Variants in UNC5D observed in about 807,000 individuals in gnomAD.
The protein encoded by UNC5D is netrin receptor UNC5D.
UNC5D carries 39 observed loss-of-function variants against 105.4 expected under a neutral mutation model. The observed-to-expected ratio is 0.37, with a 90% CI of 0.29 to 0.48. The LOEUF is 0.48. UNC5D is among the 20% of genes least tolerant of loss of function. UNC5D has a pLI of 0.98. For synonymous variants in UNC5D, 452 were observed against 450.4 expected (o/e 1.00, Z -0.04); for missense variants, 991 against 1,202.4 (o/e 0.82, Z 2.60).
chr8:35,640,682 CA>C (rs1822652927), intron 4 of UNC5D, among the ~76,000 whole-genome samples: 1 of 152,038 alleles, frequency 6.6e-6, no homozygotes, highest in Non-Finnish European at 1.5e-5. Flanking sequence ...TTATATTTTT[CA>C]AAATCTAAAT....
At chr8:35,589,018 G>A (rs1037717130) in intron 3 of UNC5D, among the ~76,000 whole-genome samples, 3 of 151,878 alleles carry the variant, frequency 2.0e-5, no homozygotes, top group African/African-American at 4.8e-5. Context: ...ACTCCAGCCT[G>A]GGCGACAAGA....
chr8:35,743,935 G>A (rs1033808996), intron 11 of UNC5D, among the ~76,000 whole-genome samples: 7 of 152,072 alleles, frequency 4.6e-5, no homozygotes, highest in East Asian at 3.9e-4. Context: ...CTCTTAGTAC[G>A]TTACACACCT....
intron 1 of UNC5D, among the ~76,000 whole-genome samples, chr8:35,522,744 C>G (rs1296870513): frequency 1.3e-5 from 2 of 152,122 alleles, no homozygotes; most frequent in African/African-American, 4.8e-5. Context: ...ACTGGATGAT[C>G]TCTACTATCT....
At chr8:35,716,742 T>C (rs1303028471) in intron 8 of UNC5D, among the ~76,000 whole-genome samples, 1 of 152,214 alleles carries the variant, frequency 6.6e-6, no homozygotes, top group Non-Finnish European at 1.5e-5. Context: ...GCAGAGATAT[T>C]ACGAGATTCT....
At chr8:35,566,695 T>C (rs1817362138) in intron 2 of UNC5D, among the ~76,000 whole-genome samples, 1 of 152,144 alleles carries the variant, frequency 6.6e-6, no homozygotes. Context: ...AGGGACACAA[T>C]AGCATGCACT....
intron 4 of UNC5D, among the ~76,000 whole-genome samples, chr8:35,609,631 A>G (rs1820545965): frequency 6.6e-6 from 1 of 152,232 alleles, no homozygotes; most frequent in African/African-American, 2.4e-5. Context: ...AGTATACTAT[A>G]GGTAATGACT....
At chr8:35,605,876 A>C (rs956244231) in intron 4 of UNC5D, among the ~76,000 whole-genome samples, 2 of 152,222 alleles carry the variant, frequency 1.3e-5, no homozygotes, top group South Asian at 4.1e-4. Flanking sequence ...CAGTGTTGCC[A>C]CGCTTTTAAA....
intron 8 of UNC5D, among the ~76,000 whole-genome samples, chr8:35,719,776 G>A (rs1189196050): frequency 6.6e-6 from 1 of 151,954 alleles, no homozygotes; most frequent in Non-Finnish European, 1.5e-5. Flanking sequence ...CTCTCTATAG[G>A]CATCCCTTTC....
At chr8:35,458,632 AG>A (rs1177762781) in intron 1 of UNC5D, among the ~76,000 whole-genome samples, 1 of 152,220 alleles carries the variant, frequency 6.6e-6, no homozygotes, top group African/African-American at 2.4e-5. Context: ...AGCACAGCCC[AG>A]GGATACTGGA....
intron 1 of UNC5D, among the ~76,000 whole-genome samples, chr8:35,339,045 T>C (rs1811262657): frequency 6.6e-6 from 1 of 152,164 alleles, no homozygotes; most frequent in African/African-American, 2.4e-5. Context: ...TTCTGATAAC[T>C]TAGTTGGAAA....
At chr8:35,471,722 C>A (rs1203989761) in intron 1 of UNC5D, among the ~76,000 whole-genome samples, 2 of 152,112 alleles carry the variant, frequency 1.3e-5, no homozygotes, top group Non-Finnish European at 2.9e-5. Context: ...ATGCAGTAGA[C>A]CACAACCATT....
At chr8:35,277,790 G>A (rs1350487580) in intron 1 of UNC5D, among the ~76,000 whole-genome samples, 1 of 152,198 alleles carries the variant, frequency 6.6e-6, no homozygotes, top group African/African-American at 2.4e-5. Flanking sequence ...TTCTTGGGAA[G>A]ATGGTCACTT....
intron 7 of UNC5D, among the ~76,000 whole-genome samples, chr8:35,702,383 G>A (rs541976466): frequency 6.6e-6 from 1 of 152,172 alleles, no homozygotes; most frequent in South Asian, 2.1e-4. Flanking sequence ...AGATCTCTTG[G>A]AGTGGGGCCC....
At chr8:35,236,869 A>G (rs968175414) in intron 1 of UNC5D, among the ~76,000 whole-genome samples, 1 of 152,102 alleles carries the variant, frequency 6.6e-6, no homozygotes, top group African/African-American at 2.4e-5. Context: ...TGTTCCATCC[A>G]TCAGGCTTAG....
chr8:35,699,732 TA>T (rs1002551763), intron 7 of UNC5D, among the ~76,000 whole-genome samples: 1 of 151,502 alleles, frequency 6.6e-6, no homozygotes, highest in African/African-American at 2.4e-5. Context: ...CTGGGGGGAG[TA>T]GGGTTGAAGT....
intron 4 of UNC5D, among the ~76,000 whole-genome samples, chr8:35,639,897 T>A (rs991977307): frequency 1.2e-4 from 18 of 151,962 alleles, no homozygotes; most frequent in Admixed American, 8.5e-4. Context: ...ATTTTTTTTT[T>A]AAATTTTTTG....
intron 7 of UNC5D, among the ~76,000 whole-genome samples, chr8:35,700,668 T>A (rs1295132331): frequency 6.6e-6 from 1 of 152,184 alleles, no homozygotes; most frequent in East Asian, 1.9e-4. Flanking sequence ...AACAAAAGCT[T>A]TGAGTTGACG....
intron 4 of UNC5D, among the ~76,000 whole-genome samples, chr8:35,597,247 A>C (rs1819545728): frequency 2.0e-5 from 3 of 152,244 alleles, no homozygotes; most frequent in Admixed American, 6.5e-5. Flanking sequence ...TGAACACTCC[A>C]TGCATGATGT....
chr8:35,500,377 C>A (rs1335982185), intron 1 of UNC5D, among the ~76,000 whole-genome samples: 1 of 152,142 alleles, frequency 6.6e-6, no homozygotes, highest in Non-Finnish European at 1.5e-5. Flanking sequence ...GACACTAACC[C>A]ATTCATGAGG....
Sources: gnomAD v4.1 joint callset for allele counts (sites outside exome capture counted in the v4.1 genomes callset) on GRCh38, gnomAD v4.1.1 for gene constraint, MANE v1.5 for transcripts, NCBI Gene and HGNC (gene_info 2026-07-23, HGNC 2026-07-21) for gene names.